MGLL: variants seen among roughly 807,000 people sequenced by gnomAD.
MGLL encodes the protein monoglyceride lipase, also known as lysophospholipase homolog.
MGLL carries 7 observed loss-of-function variants against 29.1 expected under a neutral mutation model. The ratio of observed to expected loss-of-function variants is 0.24; its 90% CI spans 0.14 to 0.45. MGLL has a LOEUF of 0.45. Ranked by LOEUF, MGLL falls within the 20% of genes least tolerant of loss-of-function variation. MGLL has a pLI of 0.99. For missense variants in MGLL, 356 were observed against 413.6 expected (o/e 0.86, Z 1.21); for synonymous variants, 148 against 168.3 (o/e 0.88, Z 0.93).
chr3:127,788,276 A>G (rs1194102473), intron 2 of MGLL, among the ~76,000 whole-genome samples: 1 of 152,064 alleles, frequency 6.6e-6, no homozygotes, highest in Non-Finnish European at 1.5e-5. Context: ...ATTACATATC[A>G]ACTCATTTAA....
intron 3 of MGLL, among the ~76,000 whole-genome samples, chr3:127,764,411 A>T (rs1483905492): frequency 6.6e-6 from 1 of 152,188 alleles, no homozygotes; most frequent in African/African-American, 2.4e-5. Flanking sequence ...GGGCGTACAG[A>T]TATCAAGGCC....
At chr3:127,747,941 C>G (rs1451037700) in intron 3 of MGLL, among the ~76,000 whole-genome samples, 1 of 152,178 alleles carries the variant, frequency 6.6e-6, no homozygotes, top group African/African-American at 2.4e-5. Context: ...CACAACCTGG[C>G]ACTCGGGGAC....
intron 2 of MGLL, among the ~76,000 whole-genome samples, chr3:127,782,667 G>A (rs569535397): frequency 6.6e-6 from 1 of 152,158 alleles, no homozygotes; most frequent in Admixed American, 6.6e-5. Context: ...GAAGACCTAC[G>A]GAGAGCTAGA....
intron 6 of MGLL, among the ~76,000 whole-genome samples, chr3:127,696,396 C>CTTTTTTTTTTTTTTTTTTTT (rs545853423): frequency 2.0e-5 from 1 of 49,346 alleles, no homozygotes; most frequent in African/African-American, 6.5e-5. Flanking sequence ...CCTGATGCTT[C>CTTTTTTTTTTTTTTTTTTTT]TTTTTTTTTT....
intron 5 of MGLL, among the ~76,000 whole-genome samples, chr3:127,716,674 A>C (rs1433100833): frequency 1.3e-5 from 2 of 152,254 alleles, no homozygotes; most frequent in Non-Finnish European, 2.9e-5. Context: ...GATCATTTCT[A>C]AGTGAATTTC....
chr3:127,807,740 T>G, intron 2 of MGLL, among the ~76,000 whole-genome samples: 1 of 146,232 alleles, frequency 6.8e-6, no homozygotes, highest in African/African-American at 2.5e-5. Context: ...TTAGACATGC[T>G]GTGAAAAGTC....
chr3:127,689,244 T>C lies in MGLL; in HGVS notation c.*2954A>G, dbSNP rs941433113. 2 of 152,224 alleles carry C rather than the reference T, an allele frequency of 1.3e-5. No individual in the cohort carries two copies. The highest frequency in any genetic ancestry group is 2.4e-5 in the African/African-American group (1 of 41,438). 9.4% of individuals were successfully genotyped at this position (152,224 alleles called of 1,614,324 possible). Reference sequence around the variant, plus strand: ...ATCGTGATCCCAACAAGGTCTATGTTAGCAATTGGTGAAAGAAGAAGAGAG... The same window carrying C: ...ATCGTGATCCCAACAAGGTCTATGTCAGCAATTGGTGAAAGAAGAAGAGAG... On this transcript the variant is annotated 3_prime_UTR_variant, in exon 8 of 8. Transcript: ENST00000265052.
chr3:127,779,134 G>A (rs897479222), intron 3 of MGLL, among the ~76,000 whole-genome samples: 1 of 145,538 alleles, frequency 6.9e-6, no homozygotes, highest in African/African-American at 2.5e-5. Context: ...GGGAGGCCGA[G>A]GAGAGTGGAT....
At chr3:127,809,264 A>G (rs558315464) in intron 2 of MGLL, among the ~76,000 whole-genome samples, 1 of 152,278 alleles carries the variant, frequency 6.6e-6, no homozygotes, top group African/African-American at 2.4e-5. Context: ...AGCCATCACC[A>G]AGTCCTATAG....
intron 7 of MGLL, among the ~76,000 whole-genome samples, chr3:127,693,411 C>T (rs188021582): frequency 7.9e-5 from 12 of 152,322 alleles, no homozygotes; most frequent in African/African-American, 2.2e-4. Context: ...TCTCATCTAA[C>T]CAAGAGAAGA....
intron 2 of MGLL, among the ~76,000 whole-genome samples, chr3:127,791,730 A>T (rs766022234): frequency 6.6e-6 from 1 of 152,178 alleles, no homozygotes; most frequent in African/African-American, 2.4e-5. Context: ...CATCGGCTCC[A>T]TTTGTGTTTG....
At chr3:127,754,193 A>G (rs147480421) in intron 3 of MGLL, among the ~76,000 whole-genome samples, 2 of 152,124 alleles carry the variant, frequency 1.3e-5, no homozygotes, top group Non-Finnish European at 2.9e-5. Flanking sequence ...TCCCTCTGTG[A>G]ACTCAGAGGT....
intron 3 of MGLL, among the ~76,000 whole-genome samples, chr3:127,775,162 T>C (rs1417123735): frequency 6.6e-6 from 1 of 152,004 alleles, no homozygotes. Flanking sequence ...GGTCTCAGGG[T>C]GGCACAGTCC....
At chr3:127,719,474 C>T (rs1051408248) in intron 5 of MGLL, among the ~76,000 whole-genome samples, 6 of 152,260 alleles carry the variant, frequency 3.9e-5, no homozygotes, top group Non-Finnish European at 7.3e-5. Context: ...CTGCTACAAC[C>T]TGCTCCTGGG....
Position 127,690,845 on chromosome 3 carries a change from G to C in MGLL, c.*1353C>G, listed in dbSNP as rs2075229311. On this transcript the variant is annotated 3_prime_UTR_variant, in exon 8 of 8. Transcript: ENST00000265052. ...TGGTATTGGCACCTGAGAAGGGCAGGCTAGGCCCAGGGCCTCAGCTCTGAA... is the reference window on the plus strand; with the variant it reads ...TGGTATTGGCACCTGAGAAGGGCAGCCTAGGCCCAGGGCCTCAGCTCTGAA... 6.5e-6 allele frequency: 1 copy of C among 152,714 alleles called. No homozygotes were observed. The highest frequency in any genetic ancestry group is 1.5e-5 in the Non-Finnish European group (1 of 68,102). The allele number at this position is 152,714 out of a possible 1,614,324, so 9.5% of individuals were successfully genotyped here.
At chr3:127,715,028 A>T (rs773055926) in intron 5 of MGLL, among the ~76,000 whole-genome samples, 19 of 152,150 alleles carry the variant, frequency 1.2e-4, no homozygotes, top group Non-Finnish European at 2.5e-4. Context: ...CTGGGTCAGG[A>T]TCTGTAGCTT....
intron 2 of MGLL, among the ~76,000 whole-genome samples, chr3:127,816,154 G>A (rs749879498): frequency 4.5e-4 from 69 of 152,340 alleles, no homozygotes; most frequent in Non-Finnish European, 4.1e-4. Flanking sequence ...CCAGCTGGCT[G>A]GTGATGCGGG....
intron 3 of MGLL, among the ~76,000 whole-genome samples, chr3:127,748,579 T>C (rs941949510): frequency 6.6e-6 from 1 of 151,800 alleles, no homozygotes; most frequent in African/African-American, 2.4e-5. Flanking sequence ...TGGGCCCTAA[T>C]CCACTATAAC....
At chr3:127,806,897 T>C (rs1272596543) in intron 2 of MGLL, among the ~76,000 whole-genome samples, 2 of 152,206 alleles carry the variant, frequency 1.3e-5, no homozygotes, top group African/African-American at 4.8e-5. Flanking sequence ...TTCAGTTTGC[T>C]AGTATTTGTT....
Sources: gnomAD v4.1 joint callset for allele counts (sites outside exome capture counted in the v4.1 genomes callset) on GRCh38, gnomAD v4.1.1 for gene constraint, MANE v1.5 for transcripts, NCBI Gene and HGNC (gene_info 2026-07-23, HGNC 2026-07-21) for gene names.